Variants in HMCN1 observed in about 807,000 individuals in gnomAD.
HMCN1 encodes hemicentin 1, also known as hemicentin-1.
A neutral mutation model predicts 625.9 loss-of-function variants in HMCN1; 321 were observed. That is an observed-to-expected ratio of 0.51 (90% CI 0.47 to 0.56). The LOEUF (loss-of-function observed/expected upper bound fraction) is 0.56. Among genes scored for constraint, HMCN1 ranks in the 20% least tolerant of loss-of-function variants. The probability of loss-of-function intolerance (pLI) is 0.00; values close to 1 mark genes in which losing one functional copy is unlikely to be tolerated. For missense variants in HMCN1, 6,588 were observed against 6,887.3 expected, an observed-to-expected ratio of 0.96 and a Z score of 1.54; for synonymous variants, 2,425 against 2,417.6, an observed-to-expected ratio of 1.00 and a Z score of -0.09.
chr1:186,152,623 C>T (rs1650745481), intron 95 of HMCN1, 127 bp from the exon 96 acceptor site: 4 of 1,095,754 alleles, frequency 3.7e-6, no homozygotes, highest in Non-Finnish European at 5.6e-6. Flanking sequence ...TTTCAGTTCT[C>T]ATCATCTATA....
intron 50 of HMCN1, among the ~76,000 whole-genome samples, chr1:186,069,364 T>C (rs561705074): frequency 6.6e-6 from 1 of 152,270 alleles, no homozygotes; most frequent in Non-Finnish European, 1.5e-5. Context: ...GAAACCTATT[T>C]ATGAAGAGGA....
chr1:186,157,628 C>A (rs1651112689), intron 97 of HMCN1, among the ~76,000 whole-genome samples: 1 of 152,188 alleles, frequency 6.6e-6, no homozygotes, highest in Non-Finnish European at 1.5e-5. Context: ...GTGTGATGTT[C>A]CCCTTCCTGT....
At chr1:186,005,239 A>G (rs1391584167) in intron 29 of HMCN1, among the ~76,000 whole-genome samples, 3 of 126,792 alleles carry the variant, frequency 2.4e-5, no homozygotes, top group African/African-American at 8.7e-5. Flanking sequence ...TTAATTGTTT[A>G]TAAACGTTTA....
intron 11 of HMCN1, among the ~76,000 whole-genome samples, chr1:185,942,833 G>A (rs1294923155): frequency 6.6e-6 from 1 of 152,006 alleles, no homozygotes; most frequent in Non-Finnish European, 1.5e-5. Flanking sequence ...GATCAAGCAG[G>A]TATAAATCAA....
Position 186,087,470 on chromosome 1 carries a change from G to A in HMCN1, c.9188G>A (p.Ser3063Asn), listed in dbSNP as rs1558211836. Residue 3063 changes from serine (S) to asparagine (N), a missense_variant, in exon 60 of 107, where the codon AGT (serine) becomes AAT (asparagine). Transcript: ENST00000271588. ...YVPPSIKDHD[S>N]ESLSVVNVRE... Reference sequence around the variant, plus strand: ...CCCCCAAGCATTAAAGACCATGACAGTGAATCTCTTTCTGTAGTTAATGTA... The same window carrying A: ...CCCCCAAGCATTAAAGACCATGACAATGAATCTCTTTCTGTAGTTAATGTA... The A allele has an allele frequency of 6.2e-7, 1 of 1,613,210 alleles. No individual in the cohort carries two copies.
chr1:186,019,985 A>G (rs770381069), intron 35 of HMCN1, among the ~76,000 whole-genome samples: 23 of 152,042 alleles, frequency 1.5e-4, no homozygotes, highest in Non-Finnish European at 3.4e-4. Flanking sequence ...GGTGTCTCAC[A>G]GATGAATGAT....
intron 1 of HMCN1, among the ~76,000 whole-genome samples, chr1:185,812,077 C>G (rs1450385873): frequency 2.0e-5 from 3 of 152,022 alleles, no homozygotes; most frequent in Non-Finnish European, 4.4e-5. Context: ...CAGCTATTCT[C>G]TAAGTAGCAT....
intron 49 of HMCN1, among the ~76,000 whole-genome samples, 159 bp from the exon 50 acceptor site, chr1:186,067,675 G>A (rs1407686623): frequency 2.6e-5 from 4 of 151,862 alleles, no homozygotes; most frequent in Non-Finnish European, 4.4e-5. Context: ...AGTTTTTTAA[G>A]GGATCACTCT....
intron 104 of HMCN1, 148 bp from the exon 105 acceptor site, chr1:186,182,020 A>T (rs1198335638): frequency 1.2e-6 from 1 of 801,520 alleles, no homozygotes; most frequent in Non-Finnish European, 2.1e-6. Context: ...TCTTCATAGA[A>T]AATAGCTCTG....
intron 36 of HMCN1, among the ~76,000 whole-genome samples, chr1:186,023,838 CT>C (rs1654879664): frequency 6.6e-6 from 1 of 152,162 alleles, no homozygotes; most frequent in South Asian, 2.1e-4. Context: ...CATATATTCA[CT>C]TCACATTTAC....
At chr1:185,835,850 C>A (rs1661133188) in intron 1 of HMCN1, among the ~76,000 whole-genome samples, 1 of 151,444 alleles carries the variant, frequency 6.6e-6, no homozygotes, top group African/African-American at 2.4e-5. Context: ...AAAAAAGAAC[C>A]AAAATTGGGC....
chr1:186,026,099 A>G (rs1261479917), intron 36 of HMCN1, among the ~76,000 whole-genome samples: 2 of 152,220 alleles, frequency 1.3e-5, no homozygotes, highest in Admixed American at 1.3e-4. Context: ...ATTCATGACA[A>G]TAACATCACA....
chr1:185,867,625 C>G (rs555300911), intron 4 of HMCN1, among the ~76,000 whole-genome samples: 1 of 152,010 alleles, frequency 6.6e-6, no homozygotes, highest in East Asian at 1.9e-4. Context: ...GTGTTGGGGC[C>G]AGTATGCTGA....
chr1:186,116,196 T>A (rs1661126944), intron 75 of HMCN1, among the ~76,000 whole-genome samples: 1 of 152,168 alleles, frequency 6.6e-6, no homozygotes, highest in African/African-American at 2.4e-5. Flanking sequence ...ATACACTGTA[T>A]GGAAAATGTG....
At chr1:185,798,030 T>C (rs1305171597) in intron 1 of HMCN1, among the ~76,000 whole-genome samples, 1 of 143,410 alleles carries the variant, frequency 7.0e-6, no homozygotes, top group African/African-American at 2.5e-5. Context: ...CTTTTTATAA[T>C]GGTGGGTATT....
intron 25 of HMCN1, among the ~76,000 whole-genome samples, 172 bp downstream of exon 25, chr1:185,997,696 T>C (rs1041507578): frequency 3.3e-5 from 5 of 152,160 alleles, no homozygotes; most frequent in African/African-American, 1.2e-4. Flanking sequence ...ATAAGTATTT[T>C]TTTTCCTTGC....
At chr1:186,084,832 A>G in intron 57 of HMCN1, among the ~76,000 whole-genome samples, 1 of 152,032 alleles carries the variant, frequency 6.6e-6, no homozygotes, top group South Asian at 2.1e-4. Context: ...TCACTTCATT[A>G]TCTCAATAAC....
intron 15 of HMCN1, among the ~76,000 whole-genome samples, chr1:185,976,257 C>T (rs995440148): frequency 3.3e-5 from 5 of 152,116 alleles, no homozygotes; most frequent in Admixed American, 6.6e-5. Flanking sequence ...CAATAACAGA[C>T]ATTACATTTG....
In HMCN1 at chr1:186,125,587, T is replaced by G. The variant is rs370607941; in HGVS notation, c.12500-17T>G. On this transcript the variant is annotated splice_polypyrimidine_tract_variant and intron_variant, in intron 81 of 106. Coordinates refer to ENST00000271588, the MANE Select transcript of HMCN1 (RefSeq NM_031935.3). Reference sequence around the variant, plus strand: ...GAACTCAGCTTCCTGGATGACTCTTTTTTAAACTCTTCATAGTACCACCCA... The same window carrying G: ...GAACTCAGCTTCCTGGATGACTCTTGTTTAAACTCTTCATAGTACCACCCA... 2.5e-4 allele frequency: 405 copies of G among 1,604,032 alleles called. 1 individual carries two copies. The highest frequency in any genetic ancestry group is 3.4e-4 in the Non-Finnish European group (396 of 1,171,042).
Sources: allele counts gnomAD v4.1 joint callset (sites outside exome capture counted in the v4.1 genomes callset), GRCh38; gene constraint gnomAD v4.1.1; transcripts MANE v1.5; gene names NCBI Gene and HGNC (gene_info 2026-07-23, HGNC 2026-07-21).